Variants in ARHGEF10L observed in about 807,000 individuals in gnomAD.
ARHGEF10L encodes rho guanine nucleotide exchange factor 10-like protein.
In ARHGEF10L, 69 loss-of-function variants were observed where a neutral mutation model predicts 141.2. The observed-to-expected ratio is 0.49, with a 90% CI of 0.40 to 0.60. The LOEUF is 0.60. Among genes scored for constraint, ARHGEF10L ranks in the 20% least tolerant of loss-of-function variants. The pLI is 0.00. For missense variants in ARHGEF10L, 1,482 were observed against 1,734.3 expected (o/e 0.85, Z 2.58); for synonymous variants, 711 against 718.5 (o/e 0.99, Z 0.17).
chr1:17,633,632 G>A (rs558692706), intron 16 of ARHGEF10L, among the ~76,000 whole-genome samples: 30 of 152,220 alleles, frequency 2.0e-4, no homozygotes, highest in Non-Finnish European at 2.1e-4. Flanking sequence ...GATTACAGGC[G>A]TAAGCCACCG....
chr1:17,599,117 C>T (rs2080389326), intron 4 of ARHGEF10L, among the ~76,000 whole-genome samples: 1 of 152,054 alleles, frequency 6.6e-6, no homozygotes. Context: ...GGGCAGATCA[C>T]CTGAGGTCAG....
chr1:17,634,491 A>G lies in ARHGEF10L; in HGVS notation c.1731-57A>G, dbSNP rs2060882904. ...GGCCCCCAGCGGGGTCACAGCCCCC[A>G]GATTAGCCACTCCATTGTAATAACA... On this transcript the variant is annotated intron_variant, in intron 16 of 28. Coordinates refer to ENST00000361221, the MANE Select transcript of ARHGEF10L (RefSeq NM_018125.4). 1.9e-6 allele frequency: 3 copies of G among 1,613,942 alleles called. No homozygotes were observed. The South Asian group carries it at 3.3e-5, about 18-fold the overall frequency.
intron 4 of ARHGEF10L, among the ~76,000 whole-genome samples, chr1:17,598,760 GCT>G (rs893761868): frequency 8.6e-5 from 13 of 151,440 alleles, no homozygotes; most frequent in Admixed American, 2.6e-4. Context: ...GAGGGCTACT[GCT>G]CTCTCTCTCT....
chr1:17,572,950 G>A (rs2078064764), intron 1 of ARHGEF10L, among the ~76,000 whole-genome samples: 1 of 152,122 alleles, frequency 6.6e-6, no homozygotes, highest in Admixed American at 6.5e-5. Context: ...CCCTCCCTTT[G>A]GCTCCACCCT....
At chr1:17,547,115 T>C (rs2076945941) in intron 1 of ARHGEF10L, among the ~76,000 whole-genome samples, 1 of 152,138 alleles carries the variant, frequency 6.6e-6, no homozygotes, top group Admixed American at 6.6e-5. Flanking sequence ...AGTGCCCATA[T>C]GCTATGGAAA....
intron 9 of ARHGEF10L, among the ~76,000 whole-genome samples, chr1:17,616,445 C>T (rs1037171697): frequency 4.6e-5 from 7 of 152,212 alleles, no homozygotes; most frequent in African/African-American, 1.7e-4. Flanking sequence ...TTTCAGCGTC[C>T]CTGCTCCTGC....
chr1:17,573,286 G>A lies in ARHGEF10L; in HGVS notation c.-43-7267G>A, dbSNP rs1037811696. On this transcript the variant is annotated intron_variant, in intron 1 of 28. Coordinates refer to ENST00000361221, the MANE Select transcript of ARHGEF10L (RefSeq NM_018125.4). This position sits in a 1 kb window ranked among gnomAD's most constrained non-coding sequence, Gnocchi z 4.8. ...CAGCGAGGACGCCCAGCAGCTGGGA[G>A]GCGGGCATCCCTGTTGTAGGTGGGG... Among the ~76,000 whole-genome samples, 3 of 152,226 alleles carry A rather than the reference G, an allele frequency of 2.0e-5. No homozygotes were observed. The highest frequency in any genetic ancestry group is 7.2e-5 in the African/African-American group (3 of 41,468).
chr1:17,568,601 G>T (rs2077860434), intron 1 of ARHGEF10L, among the ~76,000 whole-genome samples: 1 of 152,160 alleles, frequency 6.6e-6, no homozygotes, highest in African/African-American at 2.4e-5. Context: ...GGATGTCGGG[G>T]GGTGCTTGAA....
intron 12 of ARHGEF10L, 24 bp from the exon 13 acceptor site, chr1:17,624,363 T>G (rs1309621911): frequency 6.3e-7 from 1 of 1,590,028 alleles, no homozygotes; most frequent in African/African-American, 1.3e-5. Context: ...GCGGTCTCCC[T>G]GGCCCACACC....
intron 15 of ARHGEF10L, among the ~76,000 whole-genome samples, chr1:17,631,157 C>T (rs1028847055): frequency 1.1e-4 from 16 of 151,800 alleles, no homozygotes; most frequent in African/African-American, 2.9e-4. Context: ...CGGGGAGGCT[C>T]GGGGTGATCT....
At position 17,603,426 on chromosome 1, in the gene ARHGEF10L, G is replaced by T; in HGVS notation, c.350-82G>T. On this transcript the variant is annotated intron_variant, in intron 5 of 28. Transcript: ENST00000361221. The surrounding 1 kb of genome is among the most constrained non-coding windows in gnomAD (Gnocchi z 4.8). ...AGGGTGCTGCGTGCCACCAGCTGGT[G>T]CAGTCCTGATGTCATCTGCAGCACC... 9.1e-7 allele frequency: 1 copy of T among 1,098,870 alleles called. No homozygotes were observed. Among genetic ancestry groups the T allele is most frequent in the Non-Finnish European group, 1.3e-6 (1 of 754,158 alleles). 68.1% of individuals were successfully genotyped at this position (1,098,870 alleles called of 1,614,324 possible). A position where few individuals can be genotyped will look rare whatever the true frequency, so the allele number is the denominator to read the frequency against.
intron 4 of ARHGEF10L, among the ~76,000 whole-genome samples, chr1:17,597,437 C>A (rs891214211): frequency 1.3e-5 from 2 of 152,092 alleles, no homozygotes; most frequent in Admixed American, 1.3e-4. Context: ...CAGGGAGGGT[C>A]ACGGGTACAG....
rs572644920 is a variant in ARHGEF10L at position 17,697,308 on chromosome 1, C to T, written c.3768C>T (p.Ser1256=). The change falls in exon 29 of 29, where the codon AGC becomes AGT. Residue 1256 remains serine (S), a synonymous_variant. Transcript: ENST00000361221. This position sits in a 1 kb window ranked among gnomAD's most constrained non-coding sequence, Gnocchi z 4.8. ...GYRNFGSALG[S]SGRQAPCGET... is the part of the protein sequence containing the mutation. ...GCAACTTTGGCAGCGCTCTGGGCAGCAGTGGGAGGCAGGCCCCGTGTGGGG... is the reference window on the plus strand; with the variant it reads ...GCAACTTTGGCAGCGCTCTGGGCAGTAGTGGGAGGCAGGCCCCGTGTGGGG... 115 of 1,612,184 alleles carry T rather than the reference C, an allele frequency of 7.1e-5. No individual in the cohort carries two copies. The highest frequency in any genetic ancestry group is 9.0e-5 in the Non-Finnish European group (106 of 1,179,520).
chr1:17,572,638 C>T (rs2078050585), intron 1 of ARHGEF10L, among the ~76,000 whole-genome samples: 1 of 152,224 alleles, frequency 6.6e-6, no homozygotes, highest in South Asian at 2.1e-4. Context: ...GTGCCCTCCC[C>T]TGCCTTGGGT....
intron 1 of ARHGEF10L, among the ~76,000 whole-genome samples, chr1:17,552,829 C>G (rs2077167122): frequency 6.6e-6 from 1 of 152,096 alleles, no homozygotes; most frequent in Admixed American, 6.5e-5. Context: ...TGTCCCAGGT[C>G]ACACAGCTAG....
chr1:17,600,697 C>T (rs2080565993), intron 4 of ARHGEF10L, among the ~76,000 whole-genome samples: 1 of 152,128 alleles, frequency 6.6e-6, no homozygotes, highest in South Asian at 2.1e-4. Flanking sequence ...GTCTCTGTAG[C>T]CTGCTCCAGC....
chr1:17,599,904 AAGTTCCTT>A (rs1484732710), intron 4 of ARHGEF10L, among the ~76,000 whole-genome samples: 1 of 152,218 alleles, frequency 6.6e-6, no homozygotes, highest in Non-Finnish European at 1.5e-5. Context: ...GTTAAAAATT[AAGTTCCTT>A]AGTCCCACTA....
At chr1:17,679,057 G>A (rs2063910908) in intron 26 of ARHGEF10L, among the ~76,000 whole-genome samples, 1 of 152,222 alleles carries the variant, frequency 6.6e-6, no homozygotes, top group Non-Finnish European at 1.5e-5. Flanking sequence ...CACCAGTCTT[G>A]GAGCTGGCAG....
intron 21 of ARHGEF10L, among the ~76,000 whole-genome samples, chr1:17,641,980 TAAAAA>T (rs766761868): frequency 7.2e-6 from 1 of 138,672 alleles, no homozygotes; most frequent in Non-Finnish European, 1.6e-5. Flanking sequence ...GACTCCGTCT[TAAAAA>T]AAAAGAAAAA....
Sources: gnomAD v4.1 joint callset for allele counts (sites outside exome capture counted in the v4.1 genomes callset) on GRCh38, gnomAD v4.1.1 for gene constraint, Gnocchi (gnomAD v3.1) non-coding constraint, MANE v1.5 for transcripts, NCBI Gene and HGNC (gene_info 2026-07-23, HGNC 2026-07-21) for gene names.